The following ANKS1B variants were observed in gnomAD, a reference collection of about 807,000 sequenced individuals.
ANKS1B encodes the protein ankyrin repeat and sterile alpha motif domain-containing protein 1B.
ANKS1B carries 36 observed loss-of-function variants against 148.3 expected under a neutral mutation model. The ratio of observed to expected loss-of-function variants is 0.24; its 90% CI spans 0.19 to 0.32. The LOEUF is 0.32. ANKS1B is among the 10% of genes least tolerant of loss of function. The pLI is 1.00. For synonymous variants in ANKS1B, 542 were observed against 560.8 expected (o/e 0.97, Z 0.47); for missense variants, 1,157 against 1,542.6 (o/e 0.75, Z 4.19).
At chr12:99,847,399 C>T (rs866526273) in intron 1 of ANKS1B, among the ~76,000 whole-genome samples, 2 of 152,190 alleles carry the variant, frequency 1.3e-5, no homozygotes, top group South Asian at 4.1e-4. Flanking sequence ...CTAACCTTCT[C>T]CGACCTTTCT....
intron 15 of ANKS1B, among the ~76,000 whole-genome samples, chr12:99,148,019 G>A (rs773332040): frequency 1.9e-4 from 29 of 152,210 alleles, no homozygotes; most frequent in African/African-American, 6.5e-4. Context: ...ATAGGGTTAA[G>A]GAAGTGGTTG....
intron 12 of ANKS1B, among the ~76,000 whole-genome samples, chr12:99,343,544 T>G (rs1342516334): frequency 6.6e-6 from 1 of 152,054 alleles, no homozygotes; most frequent in African/African-American, 2.4e-5. Flanking sequence ...CCTTACTTAA[T>G]TATTGCTCTC....
chr12:99,500,626 G>A (rs2096646059), intron 10 of ANKS1B, among the ~76,000 whole-genome samples: 1 of 152,092 alleles, frequency 6.6e-6, no homozygotes, highest in African/African-American at 2.4e-5. Flanking sequence ...AACTGATACA[G>A]GCATCATCTC....
chr12:99,208,552 A>C (rs2082950320), intron 14 of ANKS1B, among the ~76,000 whole-genome samples: 1 of 152,172 alleles, frequency 6.6e-6, no homozygotes, highest in Non-Finnish European at 1.5e-5. Flanking sequence ...GAAATATATC[A>C]GTCCTAATTC....
intron 8 of ANKS1B, among the ~76,000 whole-genome samples, chr12:99,747,833 C>T (rs536186058): frequency 1.3e-5 from 2 of 152,206 alleles, no homozygotes; most frequent in Non-Finnish European, 2.9e-5. Flanking sequence ...GAAAAATGAA[C>T]CATTTTCTCA....
intron 1 of ANKS1B, among the ~76,000 whole-genome samples, chr12:99,863,546 T>C (rs1305429024): frequency 3.3e-5 from 5 of 151,566 alleles, no homozygotes; most frequent in Non-Finnish European, 7.4e-5. Context: ...AAATCCCATT[T>C]CTACTAAGAA....
intron 8 of ANKS1B, among the ~76,000 whole-genome samples, chr12:99,714,222 C>T (rs570681177): frequency 6.7e-6 from 1 of 150,130 alleles, no homozygotes; most frequent in East Asian, 2.0e-4. Context: ...TCTGTCATGG[C>T]ATTGCTTTTT....
At chr12:99,974,794 ATCC>A (rs993222403) in intron 1 of ANKS1B, among the ~76,000 whole-genome samples, 3 of 151,948 alleles carry the variant, frequency 2.0e-5, no homozygotes, top group Admixed American at 2.0e-4. Flanking sequence ...GATTCAAGTG[ATCC>A]TCCTACCTTG....
intron 13 of ANKS1B, among the ~76,000 whole-genome samples, chr12:99,245,331 G>T (rs182218503): frequency 5.3e-5 from 8 of 152,196 alleles, no homozygotes; most frequent in Admixed American, 4.6e-4. Flanking sequence ...ATAAGAAATG[G>T]CTATACTTGA....
At chr12:98,773,543 C>T (rs187613835) in intron 24 of ANKS1B, among the ~76,000 whole-genome samples, 1 of 152,218 alleles carries the variant, frequency 6.6e-6, no homozygotes. Flanking sequence ...CAGCCTCCCG[C>T]TCCCAGGTTC....
At position 99,875,504 on chromosome 12, in the gene ANKS1B, A is replaced by T. The variant is rs183182211; in HGVS notation, c.135-50115T>A. On this transcript the variant is annotated intron_variant, in intron 1 of 26. Transcript: ENST00000683438. ...AAGTTGCTGAGACTTAGAAGAAAAG[A>T]TTAACTCAGAAAGACCTCAAGAAAG... Among the ~76,000 whole-genome samples the T allele has an allele frequency of 2.3e-4, 35 of 152,298 alleles. 1 individual carries two copies. The highest frequency in any genetic ancestry group is 7.9e-4 in the African/African-American group (33 of 41,578).
At chr12:98,924,044 G>A (rs549453913) in intron 17 of ANKS1B, among the ~76,000 whole-genome samples, 9 of 152,294 alleles carry the variant, frequency 5.9e-5, no homozygotes, top group South Asian at 4.1e-4. Flanking sequence ...GCATGTGGGC[G>A]CCAGACTTAG....
chr12:99,034,128 C>T (rs1407558882), intron 17 of ANKS1B, among the ~76,000 whole-genome samples: 2 of 152,142 alleles, frequency 1.3e-5, no homozygotes, highest in Admixed American at 6.5e-5. Context: ...TTCAGACATT[C>T]ATAGACACCC....
intron 8 of ANKS1B, among the ~76,000 whole-genome samples, chr12:99,759,292 A>C (rs2061858748): frequency 6.6e-6 from 1 of 151,934 alleles, no homozygotes; most frequent in Admixed American, 6.6e-5. Flanking sequence ...TTAAAAATCT[A>C]AGCCTGAGAT....
chr12:99,725,303 T>C (rs1018960605), intron 8 of ANKS1B, among the ~76,000 whole-genome samples: 1 of 152,034 alleles, frequency 6.6e-6, no homozygotes, highest in African/African-American at 2.4e-5. Flanking sequence ...AATGAAGAGA[T>C]GGAGGCAAGT....
intron 11 of ANKS1B, among the ~76,000 whole-genome samples, chr12:99,439,413 C>T (rs942416941): frequency 6.6e-6 from 1 of 151,540 alleles, no homozygotes; most frequent in African/African-American, 2.4e-5. Context: ...AGAAAGGACC[C>T]ATATCTTGTG....
intron 1 of ANKS1B, among the ~76,000 whole-genome samples, chr12:99,927,306 C>T (rs142466815): frequency 9.9e-5 from 15 of 152,154 alleles, no homozygotes; most frequent in African/African-American, 3.6e-4. Flanking sequence ...CAGTCAGTCA[C>T]AACTAGAGAA....
intron 8 of ANKS1B, among the ~76,000 whole-genome samples, chr12:99,659,182 G>A (rs1214824448): frequency 6.6e-6 from 1 of 152,030 alleles, no homozygotes; most frequent in Non-Finnish European, 1.5e-5. Context: ...CATATAAATT[G>A]GCTGTGTAAA....
intron 1 of ANKS1B, among the ~76,000 whole-genome samples, chr12:99,883,897 CAGA>C (rs565708563): frequency 1.2e-3 from 177 of 152,140 alleles, no homozygotes; most frequent in African/African-American, 4.1e-3. Flanking sequence ...GCCTGGGTGA[CAGA>C]GTGAGACTCT....
Sources: gnomAD v4.1 joint callset for allele counts (sites outside exome capture counted in the v4.1 genomes callset) on GRCh38, gnomAD v4.1.1 for gene constraint, MANE v1.5 for transcripts, NCBI Gene and HGNC (gene_info 2026-07-23, HGNC 2026-07-21) for gene names.